GRM1: variants seen among roughly 807,000 people sequenced by gnomAD.
GRM1 encodes the protein metabotropic glutamate receptor 1.
In GRM1, 33 loss-of-function variants were observed where a neutral mutation model predicts 90.9. The observed-to-expected ratio is 0.36, with a 90% CI of 0.28 to 0.49. The LOEUF (loss-of-function observed/expected upper bound fraction) is 0.49, where lower values mean the gene tolerates loss of function less well. GRM1 is among the 20% of genes least tolerant of loss of function. GRM1 has a pLI of 0.99. For synonymous variants in GRM1, 700 were observed against 613.2 expected (o/e 1.14, Z -2.09); for missense variants, 1,190 against 1,534.3 (o/e 0.78, Z 3.75).
chr6:146,147,686 C>T (rs1583070795), intron 1 of GRM1, among the ~76,000 whole-genome samples: 1 of 152,286 alleles, frequency 6.6e-6, no homozygotes, highest in East Asian at 1.9e-4. Context: ...TATGAGCCAG[C>T]CATCCTGTGC....
chr6:146,235,123 C>A (rs960100052), intron 2 of GRM1, among the ~76,000 whole-genome samples: 34 of 151,940 alleles, frequency 2.2e-4, no homozygotes, highest in Non-Finnish European at 3.7e-4. Flanking sequence ...GCAATGAATT[C>A]TCTCTCTCTC....
chr6:146,347,881 C>T (rs905009680), intron 3 of GRM1, among the ~76,000 whole-genome samples: 15 of 152,304 alleles, frequency 9.8e-5, no homozygotes, highest in Non-Finnish European at 1.6e-4. Flanking sequence ...GGAGAGCCTG[C>T]GTGCTGCTGC....
At chr6:146,163,401 T>C (rs1296648932) in intron 2 of GRM1, among the ~76,000 whole-genome samples, 1 of 152,218 alleles carries the variant, frequency 6.6e-6, no homozygotes, top group African/African-American at 2.4e-5. Context: ...TGTTTAGGAC[T>C]TACTATATAT....
chr6:146,120,035 A>G (rs1217187944), intron 1 of GRM1, among the ~76,000 whole-genome samples: 1 of 152,210 alleles, frequency 6.6e-6, no homozygotes, highest in Non-Finnish European at 1.5e-5. Flanking sequence ...CTTGAGCAGT[A>G]TGGCCATTTT....
chr6:146,262,151 A>G (rs1781717858), intron 2 of GRM1, among the ~76,000 whole-genome samples: 1 of 151,940 alleles, frequency 6.6e-6, no homozygotes, highest in African/African-American at 2.4e-5. Context: ...TTTTTATGAT[A>G]GAAGAAAATG....
chr6:146,187,964 T>A (rs1003817999), intron 2 of GRM1, among the ~76,000 whole-genome samples: 4 of 152,150 alleles, frequency 2.6e-5, no homozygotes, highest in African/African-American at 9.7e-5. Context: ...AAACTGAATA[T>A]CCAGTTGGTA....
At chr6:146,052,361 A>G (rs1242008536) in intron 1 of GRM1, among the ~76,000 whole-genome samples, 1 of 151,904 alleles carries the variant, frequency 6.6e-6, no homozygotes, top group Admixed American at 6.6e-5. Flanking sequence ...GCTGCTCATT[A>G]CATTTATCTA....
At chr6:146,355,272 T>C (rs725186) in intron 4 of GRM1, among the ~76,000 whole-genome samples, 30,193 of 152,100 alleles carry the variant, frequency 0.2, 3,311 homozygotes, top group South Asian at 0.27. Context: ...ATTAGTGTCA[T>C]TGATCAACAG....
intron 1 of GRM1, among the ~76,000 whole-genome samples, chr6:146,039,778 G>A (rs1327238797): frequency 1.3e-5 from 2 of 151,986 alleles, no homozygotes; most frequent in Non-Finnish European, 2.9e-5. Flanking sequence ...TATGTAGCAG[G>A]GAGGTTAGTG....
At chr6:146,379,885 G>C (rs919517987) in intron 5 of GRM1, among the ~76,000 whole-genome samples, 5 of 151,948 alleles carry the variant, frequency 3.3e-5, no homozygotes, top group Admixed American at 2.6e-4. Flanking sequence ...GGTTACCAGA[G>C]ACTCTTGTTC....
intron 2 of GRM1, among the ~76,000 whole-genome samples, chr6:146,179,250 A>G (rs138438402): frequency 1.2e-3 from 182 of 152,288 alleles, no homozygotes; most frequent in African/African-American, 4.2e-3. Context: ...AGATCCCACT[A>G]CCTAAAATGC....
At chr6:146,168,650 ATTT>A (rs950228362) in intron 2 of GRM1, among the ~76,000 whole-genome samples, 6 of 151,768 alleles carry the variant, frequency 4.0e-5, no homozygotes, top group Admixed American at 3.3e-4. Flanking sequence ...ACTGAGACAC[ATTT>A]TCTTCTACTT....
At chr6:146,142,798 C>G (rs1776934897) in intron 1 of GRM1, among the ~76,000 whole-genome samples, 1 of 152,120 alleles carries the variant, frequency 6.6e-6, no homozygotes, top group Non-Finnish European at 1.5e-5. Context: ...GCAGTGGGCT[C>G]TCTTCTCACC....
intron 1 of GRM1, among the ~76,000 whole-genome samples, chr6:146,074,172 G>A (rs1210580718): frequency 1.3e-5 from 2 of 152,102 alleles, no homozygotes; most frequent in African/African-American, 4.8e-5. Context: ...GTTGATGGAT[G>A]AGAGATATCA....
intron 1 of GRM1, among the ~76,000 whole-genome samples, chr6:146,087,271 A>G (rs1228021842): frequency 1.3e-5 from 2 of 152,068 alleles, no homozygotes; most frequent in South Asian, 2.1e-4. Context: ...GTAGATTCAC[A>G]TGCAATTCCA....
At chr6:146,387,631 A>G (rs1776555975) in intron 6 of GRM1, among the ~76,000 whole-genome samples, 1 of 152,140 alleles carries the variant, frequency 6.6e-6, no homozygotes. Context: ...CTAAAGTAGA[A>G]CACGGGAAAC....
chr6:146,053,800 A>C (rs138021388), intron 1 of GRM1, among the ~76,000 whole-genome samples: 1 of 152,148 alleles, frequency 6.6e-6, no homozygotes, highest in African/African-American at 2.4e-5. Flanking sequence ...ATTCTGCTGC[A>C]CAGCCAAATT....
chr6:146,229,511 C>A (rs920904959), intron 2 of GRM1, among the ~76,000 whole-genome samples: 1 of 151,738 alleles, frequency 6.6e-6, no homozygotes, highest in Non-Finnish European at 1.5e-5. Context: ...TTCCTCACCA[C>A]CCTTTCACAA....
intron 2 of GRM1, among the ~76,000 whole-genome samples, chr6:146,200,341 G>T (rs912363996): frequency 6.6e-6 from 1 of 152,170 alleles, no homozygotes; most frequent in Admixed American, 6.5e-5. Flanking sequence ...TTATCCTTCT[G>T]CAGGGCATCA....
Sources: gnomAD v4.1 joint callset for allele counts (sites outside exome capture counted in the v4.1 genomes callset) on GRCh38, gnomAD v4.1.1 for gene constraint, MANE v1.5 for transcripts, NCBI Gene and HGNC (gene_info 2026-07-23, HGNC 2026-07-21) for gene names.